NBEAL1: variants seen among roughly 807,000 people sequenced by gnomAD.
The protein encoded by NBEAL1 is neurobeachin like 1, also known as neurobeachin-like protein 1.
NBEAL1 carries 273 observed loss-of-function variants against 351.3 expected under a neutral mutation model. The observed-to-expected ratio is 0.78, with a 90% confidence interval of 0.70 to 0.86. The LOEUF is 0.86. Ranked by LOEUF, NBEAL1 falls within the 40% of genes least tolerant of loss-of-function variation. The pLI is 0.00. For synonymous variants in NBEAL1, 1,050 were observed against 1,086.4 expected, an observed-to-expected ratio of 0.97 and a Z score of 0.66; for missense variants, 2,961 against 3,201.3, an observed-to-expected ratio of 0.92 and a Z score of 1.81.
At position 203,035,805 on chromosome 2, in the gene NBEAL1, T is replaced by G. The variant is rs1050733227; in HGVS notation, c.52-5960T>G. On this transcript the variant is annotated intron_variant, in intron 2 of 55. Coordinates refer to ENST00000683969, the MANE Select transcript of NBEAL1 (RefSeq NM_001378026.1). ...AAGGAGATCATGAAACATTTAGATATGTGTAGCATAGAACATTACTGTTTT... is the reference window on the plus strand; with the variant it reads ...AAGGAGATCATGAAACATTTAGATAGGTGTAGCATAGAACATTACTGTTTT... Among the ~76,000 whole-genome samples, 3 of 149,248 alleles carry G rather than the reference T, an allele frequency of 2.0e-5. No homozygotes were observed. The East Asian group carries it at 5.8e-4, about 29-fold the overall frequency.
At position 203,107,630 on chromosome 2, in the gene NBEAL1, C is replaced by G. The variant is rs1037769390; in HGVS notation, c.1391C>G (p.Ser464Ter). The G allele has an allele frequency of 6.4e-7, 1 of 1,552,060 alleles. No individual in the cohort carries two copies. The highest frequency in any genetic ancestry group is 8.7e-7 in the Non-Finnish European group (1 of 1,146,966). Residue 464 changes from serine (S) to a stop codon, truncating the protein, a stop_gained, in exon 14 of 56, where the codon TCA becomes TGA. Transcript: ENST00000683969. LOFTEE classifies it high-confidence loss of function. Reference protein sequence around the residue: ...MNMAVEGDHTSVGILGISNVQ... With the variant: ...MNMAVEGDHT The stretch of plus-strand genomic sequence containing the variant: ...CAGGCTGTAGAGGGTGACCACACTT[C>G]AGTTGGGATTTTGGGCATTAGTAAT...
intron 33 of NBEAL1, among the ~76,000 whole-genome samples, chr2:203,147,909 C>T (rs1436683608): frequency 6.6e-6 from 1 of 151,990 alleles, no homozygotes; most frequent in African/African-American, 2.4e-5. Context: ...TTCTCATCAA[C>T]ACTTTCCCCT....
rs140883360 is a variant in NBEAL1, at chr2:203,201,278, C to T, written c.7239-265C>T. Among the ~76,000 whole-genome samples the T allele has an allele frequency of 3.1e-3, 479 of 152,252 alleles. 2 individuals are homozygous for T. The highest frequency in any genetic ancestry group is 5.1e-3 in the Non-Finnish European group (348 of 68,006). ...AATTTTATTAAATTGTCTTTGAAAT[C>T]CAAGATTTAAGCTTTCTTCACACCT... On this transcript the variant is annotated intron_variant, in intron 49 of 55. Coordinates refer to ENST00000683969, the MANE Select transcript of NBEAL1 (RefSeq NM_001378026.1).
chr2:203,137,589 C>CT (rs2063247409), intron 29 of NBEAL1, among the ~76,000 whole-genome samples: 2 of 152,134 alleles, frequency 1.3e-5, no homozygotes, highest in Non-Finnish European at 2.9e-5. Context: ...ATTGTCATAG[C>CT]TTTTTTATAG....
At chr2:203,056,381 T>G in intron 4 of NBEAL1, 46 bp from the exon 5 acceptor site, 1 of 1,006,000 alleles carries the variant, frequency 9.9e-7, no homozygotes, top group South Asian at 1.4e-5. Flanking sequence ...ACATATGTTT[T>G]GTTCACCATT....
chr2:203,117,332 G>A (rs990639929), intron 18 of NBEAL1, among the ~76,000 whole-genome samples: 6 of 151,118 alleles, frequency 4.0e-5, no homozygotes, highest in Non-Finnish European at 5.9e-5. Context: ...GCGCGGTGGC[G>A]GGCGCCTGTA....
intron 46 of NBEAL1, 126 bp from the exon 47 acceptor site, chr2:203,193,669 A>G (rs1482100729): frequency 1.6e-5 from 9 of 554,558 alleles, no homozygotes; most frequent in East Asian, 2.9e-5. Context: ...CTGAGCCAAC[A>G]CCTATAATTG....
At chr2:203,050,021 T>G (rs1323972499) in intron 4 of NBEAL1, 46 bp downstream of exon 4, 8 of 1,519,970 alleles carry the variant, frequency 5.3e-6, no homozygotes, top group Non-Finnish European at 7.1e-6. Flanking sequence ...TAGGTGGGAG[T>G]TGAACAATGA....
In NBEAL1 at chr2:203,125,435, T is replaced by C; in HGVS notation, c.2766T>C (p.Pro922=). 6.5e-7 allele frequency: 1 copy of C among 1,547,608 alleles called. No individual in the cohort carries two copies. The highest frequency in any genetic ancestry group is 8.7e-7 in the Non-Finnish European group (1 of 1,145,190). ...GCCACTTTAGTGAAGGACAGATTCC[T>C]GAAGAAAAGAATGAAAGCACAGTTC... The part of the protein sequence containing the change: ...QISHFSEGQI[P]EEKNESTVPE... The change falls in exon 20 of 56, where the codon CCT becomes CCC. Residue 922 remains proline, a synonymous_variant. Coordinates refer to ENST00000683969, the MANE Select transcript of NBEAL1 (RefSeq NM_001378026.1).
chr2:203,194,089 G>A (rs548308834), intron 47 of NBEAL1, among the ~76,000 whole-genome samples, 178 bp downstream of exon 47: 1 of 152,280 alleles, frequency 6.6e-6, no homozygotes, highest in Non-Finnish European at 1.5e-5. Flanking sequence ...TTTGTTTGCT[G>A]CTGAGTGGTA....
chr2:203,200,006 A>G (rs1214094999), intron 49 of NBEAL1, among the ~76,000 whole-genome samples: 3 of 152,230 alleles, frequency 2.0e-5, no homozygotes, highest in Admixed American at 2.0e-4. Context: ...TTAATCTCCA[A>G]AAGTTATGTT....
chr2:203,066,507 CTCTT>C (rs1310900655), intron 6 of NBEAL1, among the ~76,000 whole-genome samples: 1 of 152,120 alleles, frequency 6.6e-6, no homozygotes, highest in Non-Finnish European at 1.5e-5. Flanking sequence ...AATCTGATCT[CTCTT>C]TCTTTTCCCC....
At chr2:203,091,388 A>T (rs2062061611) in intron 10 of NBEAL1, among the ~76,000 whole-genome samples, 2 of 152,126 alleles carry the variant, frequency 1.3e-5, no homozygotes, top group Non-Finnish European at 2.9e-5. Flanking sequence ...CCATCAGTGG[A>T]CATTTGGGTT....
At chr2:203,217,101 GC>G in intron 55 of NBEAL1, 151 bp from the exon 56 acceptor site, 1 of 477,434 alleles carries the variant, frequency 2.1e-6, no homozygotes, top group Non-Finnish European at 3.3e-6. Flanking sequence ...ACCACACCTG[GC>G]CGTCTTTCTC....
chr2:203,135,187 T>G (rs1464118511), intron 27 of NBEAL1, among the ~76,000 whole-genome samples: 2 of 151,030 alleles, frequency 1.3e-5, no homozygotes, highest in African/African-American at 2.4e-5. Flanking sequence ...AAAAAAAAAC[T>G]TAACTTTCCC....
rs2062609255 is a variant in NBEAL1, at chr2:203,113,088, C to T, written c.2276C>T (p.Pro759Leu). 6.5e-7 allele frequency: 1 copy of T among 1,549,856 alleles called. No homozygotes were observed. The highest frequency in any genetic ancestry group is 1.4e-5 in the African/African-American group (1 of 73,170). ...TTPPPSQIPD[P>L]PFSSPITPHR... ...CCTCCACCATCCCAAATCCCAGATC[C>T]ACCTTTCTCTTCTCCCATTACCCCT... The change falls in exon 17 of 56, where the codon CCA becomes CTA. Residue 759 changes from proline to leucine, a missense_variant. Physicochemically the swap from Pro to Leu is moderately conservative, Grantham distance 98 (BLOSUM62 -3). Transcript: ENST00000683969.
At chr2:203,066,857 G>A (rs1365637864) in intron 6 of NBEAL1, among the ~76,000 whole-genome samples, 1 of 146,388 alleles carries the variant, frequency 6.8e-6, no homozygotes, top group Non-Finnish European at 1.5e-5. Flanking sequence ...CCCAGATGAT[G>A]GGCGGCCGGG....
rs1479870568 is a variant in NBEAL1, at chr2:203,130,379, T to C, written c.3467T>C (p.Leu1156Pro). Reference sequence around the variant, plus strand: ...CGTACCAGCCCAACCAGAGGTCAGCTTTTCTTACTGCTTTTTGAACCAGGA... The same window carrying C: ...CGTACCAGCCCAACCAGAGGTCAGCCTTTCTTACTGCTTTTTGAACCAGGA... The part of the protein sequence containing the change: ...LLRTSPTRGQ[L>P]FLLLFEPGNA... Residue 1156 changes from leucine to proline, a missense_variant, in exon 25 of 56, where the codon CTT becomes CCT. Transcript: ENST00000683969. 7.8e-6 allele frequency: 12 copies of C among 1,534,290 alleles called. No individual in the cohort carries two copies. Among genetic ancestry groups the C allele is most frequent in the Non-Finnish European group, 1.1e-5 (12 of 1,140,916 alleles).
chr2:203,129,664 G>A (rs2063028285), intron 24 of NBEAL1, among the ~76,000 whole-genome samples: 1 of 152,142 alleles, frequency 6.6e-6, no homozygotes, highest in South Asian at 2.1e-4. Flanking sequence ...GGGTCAATAA[G>A]AGAAGTTTAC....
Sources: allele counts gnomAD v4.1 joint callset (sites outside exome capture counted in the v4.1 genomes callset), GRCh38; gene constraint gnomAD v4.1.1; transcripts MANE v1.5; gene names NCBI Gene and HGNC (gene_info 2026-07-23, HGNC 2026-07-21).